The following RIGI variants were observed in gnomAD, a reference collection of about 807,000 sequenced individuals.
RIGI encodes RNA sensor RIG-I.
chr9:32,478,067 G>A, the RIGI span, among the ~76,000 whole-genome samples: 1 of 151,162 alleles, frequency 6.6e-6, no homozygotes, highest in Non-Finnish European at 1.5e-5. Flanking sequence ...TTTTTCCTGA[G>A]ATGGAGTCTC....
the RIGI span, chr9:32,500,856 G>GCTC: frequency 2.5e-6 from 4 of 1,614,140 alleles, no homozygotes; most frequent in Non-Finnish European, 3.4e-6. Flanking sequence ...TCCTCCTGGA[G>GCTC]CTCCAACAGG....
At chr9:32,462,703 C>T in the RIGI span, among the ~76,000 whole-genome samples, 1 of 152,058 alleles carries the variant, frequency 6.6e-6, no homozygotes, top group Non-Finnish European at 1.5e-5. Context: ...GCCACCACAC[C>T]CGGCTTCCTT....
At chr9:32,505,026 T>G in the RIGI span, among the ~76,000 whole-genome samples, 2 of 142,696 alleles carry the variant, frequency 1.4e-5, no homozygotes, top group African/African-American at 5.1e-5. Flanking sequence ...ATATATCTAT[T>G]ATATACAATA....
chr9:32,476,386 G>A, the RIGI span, among the ~76,000 whole-genome samples: 4 of 152,004 alleles, frequency 2.6e-5, no homozygotes, highest in Admixed American at 6.6e-5. Context: ...GTAGTCCCAC[G>A]CATGGTGGCA....
At chr9:32,485,754 T>TG in the RIGI span, among the ~76,000 whole-genome samples, 1 of 152,056 alleles carries the variant, frequency 6.6e-6, no homozygotes, top group African/African-American at 2.4e-5. Context: ...TTGGCCAGGC[T>TG]GGTCTCGAAC....
the RIGI span, among the ~76,000 whole-genome samples, chr9:32,459,123 G>A: frequency 3.3e-5 from 4 of 120,700 alleles, no homozygotes; most frequent in East Asian, 2.9e-4. Context: ...TCCTGACCTC[G>A]TGATCGCCCA....
the RIGI span, among the ~76,000 whole-genome samples, chr9:32,485,912 T>C: frequency 6.6e-6 from 1 of 152,124 alleles, no homozygotes; most frequent in African/African-American, 2.4e-5. Flanking sequence ...TCTCTGCAAG[T>C]GCCACAATCT....
the RIGI span, among the ~76,000 whole-genome samples, chr9:32,467,159 G>A: frequency 1.3e-5 from 2 of 152,170 alleles, no homozygotes; most frequent in Non-Finnish European, 2.9e-5. Context: ...AGGAAGTCAG[G>A]TTGGCGGAAG....
chr9:32,505,931 T>C, the RIGI span, among the ~76,000 whole-genome samples: 3 of 152,192 alleles, frequency 2.0e-5, no homozygotes, highest in Admixed American at 1.3e-4. Flanking sequence ...CTTTTAAATG[T>C]GGAGGCCAGG....
the RIGI span, among the ~76,000 whole-genome samples, chr9:32,523,200 T>G: frequency 6.6e-6 from 1 of 152,190 alleles, no homozygotes. Flanking sequence ...AAACTTGTTG[T>G]CTCAGTGATT....
the RIGI span, chr9:32,456,936 A>G: frequency 1.8e-6 from 1 of 566,578 alleles, no homozygotes; most frequent in East Asian, 2.9e-5. Flanking sequence ...TTGGCCTACA[A>G]AATACTCAGT....
chr9:32,459,544 A>G, the RIGI span: 13 of 1,596,640 alleles, frequency 8.1e-6, no homozygotes, highest in Non-Finnish European at 1.1e-5. Flanking sequence ...CGCAAATGTA[A>G]TTTGAGTACA....
At chr9:32,517,229 C>T in the RIGI span, among the ~76,000 whole-genome samples, 1 of 152,070 alleles carries the variant, frequency 6.6e-6, no homozygotes, top group Non-Finnish European at 1.5e-5. Flanking sequence ...ACTGCTTTAC[C>T]CAAAATTCTG....
chr9:32,456,934 C>T, the RIGI span: 4 of 562,482 alleles, frequency 7.1e-6, no homozygotes, highest in Non-Finnish European at 1.2e-5. Flanking sequence ...TGTTGGCCTA[C>T]AAAATACTCA....
At chr9:32,524,269 A>G in the RIGI span, among the ~76,000 whole-genome samples, 1 of 152,162 alleles carries the variant, frequency 6.6e-6, no homozygotes, top group Non-Finnish European at 1.5e-5. Context: ...TGCTGAGTAA[A>G]TTACCTCCAA....
chr9:32,497,779 A>T, the RIGI span, among the ~76,000 whole-genome samples: 2 of 150,456 alleles, frequency 1.3e-5, no homozygotes, highest in South Asian at 4.2e-4. Flanking sequence ...TAAATAAATA[A>T]ATAAATAATT....
chr9:32,476,324 C>T, the RIGI span, among the ~76,000 whole-genome samples: 3 of 152,010 alleles, frequency 2.0e-5, no homozygotes, highest in Non-Finnish European at 2.9e-5. Context: ...AACAAGACCC[C>T]ACCTCTACAA....
At chr9:32,487,351 G>T in the RIGI span, 1 of 1,008,026 alleles carries the variant, frequency 9.9e-7, no homozygotes, top group Non-Finnish European at 1.5e-6. Context: ...CAAGTTCAAG[G>T]TTAAATATTT....
chr9:32,496,275 T>A, the RIGI span, among the ~76,000 whole-genome samples: 1 of 152,224 alleles, frequency 6.6e-6, no homozygotes, highest in Non-Finnish European at 1.5e-5. Flanking sequence ...TAGTGTGTGA[T>A]GGTTAATTTT....
Sources: allele counts gnomAD v4.1 joint callset (sites outside exome capture counted in the v4.1 genomes callset), GRCh38; gene constraint gnomAD v4.1.1; transcripts MANE v1.5; gene names NCBI Gene and HGNC (gene_info 2026-07-23, HGNC 2026-07-21).